NR2C2: variants seen among roughly 807,000 people sequenced by gnomAD.
The protein encoded by NR2C2 is Nuclear hormone receptor TR4.
In NR2C2, 6 loss-of-function variants were observed where a neutral mutation model predicts 62.9. The ratio of observed to expected loss-of-function variants is 0.10; its 90% CI spans 0.05 to 0.19. The LOEUF is 0.19. Ranked by LOEUF, NR2C2 falls within the 10% of genes least tolerant of loss-of-function variation. The pLI is 1.00. For synonymous variants in NR2C2, 272 were observed against 273.8 expected (o/e 0.99, Z 0.07); for missense variants, 479 against 762.7 (o/e 0.63, Z 4.38).
At chr3:14,952,640 C>T (rs1255050030) in intron 1 of NR2C2, among the ~76,000 whole-genome samples, 1 of 152,170 alleles carries the variant, frequency 6.6e-6, no homozygotes, top group African/African-American at 2.4e-5. Context: ...TGATCATCAT[C>T]TTTAACTTAA....
chr3:14,953,843 C>G (rs941701636), intron 1 of NR2C2, among the ~76,000 whole-genome samples: 7 of 146,286 alleles, frequency 4.8e-5, no homozygotes, highest in African/African-American at 1.3e-4. Flanking sequence ...TGCAGTGAAC[C>G]AAGATCACGC....
intron 1 of NR2C2, among the ~76,000 whole-genome samples, chr3:14,987,423 C>A (rs2040542239): frequency 6.6e-6 from 1 of 152,112 alleles, no homozygotes; most frequent in African/African-American, 2.4e-5. Context: ...TGAAGAACAC[C>A]AGTAATTTCA....
chr3:15,030,529 T>A, intron 9 of NR2C2, 77 bp downstream of exon 9: 1 of 1,426,674 alleles, frequency 7.0e-7, no homozygotes, highest in African/African-American at 1.5e-5. Flanking sequence ...TCTGCAGTTT[T>A]AAAAATCAAA....
intron 2 of NR2C2, among the ~76,000 whole-genome samples, chr3:15,008,301 C>T (rs762741272): frequency 4.0e-5 from 6 of 150,880 alleles, no homozygotes; most frequent in East Asian, 3.9e-4. Context: ...GTAGGTGGAT[C>T]GCTTGATCTC....
chr3:14,990,757 G>A (rs543441098), intron 1 of NR2C2, among the ~76,000 whole-genome samples: 32 of 152,306 alleles, frequency 2.1e-4, no homozygotes, highest in South Asian at 1.7e-3. Context: ...TGTTTCTGGG[G>A]GAGAAGCCTT....
At chr3:14,998,165 A>G (rs2040885433) in intron 1 of NR2C2, among the ~76,000 whole-genome samples, 1 of 152,176 alleles carries the variant, frequency 6.6e-6, no homozygotes, top group African/African-American at 2.4e-5. Flanking sequence ...TTATCCATTC[A>G]TCATTTGGGA....
intron 1 of NR2C2, among the ~76,000 whole-genome samples, chr3:14,977,948 CAAA>C (rs11388882): frequency 1.2e-4 from 13 of 104,208 alleles, no homozygotes; most frequent in Admixed American, 3.3e-4. Flanking sequence ...GACTCTGCCT[CAAA>C]AAAAAAAAAA....
chr3:15,020,866 C>T lies in NR2C2; in HGVS notation c.490C>T (p.His164Tyr). The change falls in exon 5 of 14, where the codon CAT becomes TAT. Residue 164 changes from histidine (H) to tyrosine (Y), a missense_variant. Around this residue, in one of 4 missense-constraint regions of NR2C2, gnomAD observed 51 missense variants for 137.5 expected, o/e 0.37. Coordinates refer to ENST00000425241, the MANE Select transcript of NR2C2 (RefSeq NM_001291694.2). ...RSNQDCIINK[H>Y]HRNRCQFCRL... Reference sequence around the variant, plus strand: ...CAACCAAGACTGCATCATCAATAAACATCACCGGAACCGCTGTCAGTTTTG... The same window carrying T: ...CAACCAAGACTGCATCATCAATAAATATCACCGGAACCGCTGTCAGTTTTG... 2 of 1,614,190 alleles carry T rather than the reference C, an allele frequency of 1.2e-6. No homozygotes were observed. Among genetic ancestry groups the T allele is most frequent in the Non-Finnish European group, 1.7e-6 (2 of 1,180,038 alleles).
At chr3:14,989,924 CAAAAAAAAAAAAAAAAA>C (rs34980642) in intron 1 of NR2C2, among the ~76,000 whole-genome samples, 4 of 51,012 alleles carry the variant, frequency 7.8e-5, no homozygotes, top group Non-Finnish European at 1.1e-4. Context: ...GACTCCATCT[CAAAAAAAAAAAAAAAAA>C]AAAAAAAAAA....
chr3:15,042,898 C>CT lies in NR2C2; in HGVS notation c.1689dup (p.Thr564TyrfsTer25), dbSNP rs774343392. 1.2e-6 allele frequency: 2 copies of CT among 1,613,744 alleles called. No individual in the cohort carries two copies. Among genetic ancestry groups the CT allele is most frequent in the Non-Finnish European group, 1.7e-6 (2 of 1,179,800 alleles). ...GATGAGCTCCAACATAACAGAAGAACTTTTTTTTACTGGTCTCATTGGCAA... is the reference window on the plus strand; with the variant it reads ...GATGAGCTCCAACATAACAGAAGAACTTTTTTTTTACTGGTCTCATTGGCAA... On this transcript the variant is annotated frameshift_variant, in exon 14 of 14. Transcript: ENST00000425241. LOFTEE classifies it high-confidence loss of function.
At chr3:14,964,817 C>T (rs922005314) in intron 1 of NR2C2, among the ~76,000 whole-genome samples, 7 of 152,068 alleles carry the variant, frequency 4.6e-5, no homozygotes, top group Non-Finnish European at 8.8e-5. Flanking sequence ...CCACCGTGCC[C>T]GGCCATGAAT....
intron 1 of NR2C2, among the ~76,000 whole-genome samples, chr3:14,999,009 A>G (rs554378161): frequency 6.6e-6 from 1 of 152,114 alleles, no homozygotes; most frequent in East Asian, 1.9e-4. Flanking sequence ...CCGTGTCTCA[A>G]AAAACAAAAA....
chr3:15,039,029 T>G, intron 12 of NR2C2, 93 bp from the exon 13 acceptor site: 2 of 860,262 alleles, frequency 2.3e-6, no homozygotes, highest in South Asian at 2.9e-5. Context: ...ACTTAAGAAG[T>G]TTGCAGAAGT....
intron 10 of NR2C2, among the ~76,000 whole-genome samples, chr3:15,032,961 G>GA (rs1261315069): frequency 6.7e-6 from 1 of 149,906 alleles, no homozygotes; most frequent in Non-Finnish European, 1.5e-5. Context: ...ATCTCTACAG[G>GA]AAACCCCCCC....
At chr3:15,041,497 T>C (rs1321201595) in intron 13 of NR2C2, among the ~76,000 whole-genome samples, 1 of 152,126 alleles carries the variant, frequency 6.6e-6, no homozygotes, top group East Asian at 1.9e-4. Flanking sequence ...ATAAGCAGTA[T>C]TCACTCTAGA....
chr3:15,020,612 C>T lies in NR2C2; in HGVS notation c.377-141C>T, dbSNP rs577368679. 3.7e-6 allele frequency: 3 copies of T among 804,700 alleles called. No individual in the cohort carries two copies. The East Asian group carries it at 7.6e-5, about 20-fold the overall frequency. 49.8% of individuals were successfully genotyped at this position (804,700 alleles called of 1,614,324 possible). On this transcript the variant is annotated intron_variant, in intron 4 of 13. Coordinates refer to ENST00000425241, the MANE Select transcript of NR2C2 (RefSeq NM_001291694.2). ...GGGTGTGGCCAGTATGCTTAATGCT[C>T]AGGCCACGTGGCTGTTGGCATCTAA...
intron 1 of NR2C2, among the ~76,000 whole-genome samples, chr3:14,967,893 T>G (rs1353661931): frequency 1.3e-5 from 2 of 152,148 alleles, no homozygotes; most frequent in Non-Finnish European, 2.9e-5. Flanking sequence ...GGGGAAAGGA[T>G]TCCCTATTTA....
At chr3:15,013,822 C>A in intron 3 of NR2C2, 33 bp downstream of exon 3, 1 of 1,604,624 alleles carries the variant, frequency 6.2e-7, no homozygotes. Context: ...TGTTTCAGCA[C>A]TTCTGCTATT....
intron 1 of NR2C2, among the ~76,000 whole-genome samples, chr3:14,980,370 A>G (rs1048814734): frequency 1.1e-4 from 16 of 152,024 alleles, no homozygotes; most frequent in Non-Finnish European, 2.2e-4. Flanking sequence ...ACTATGTTGT[A>G]CAGGCTGCTC....
Sources: gnomAD v4.1 joint callset for allele counts (sites outside exome capture counted in the v4.1 genomes callset) on GRCh38, gnomAD v4.1.1 for gene constraint, gnomAD v4.1.1 regional missense constraint, MANE v1.5 for transcripts, NCBI Gene and HGNC (gene_info 2026-07-23, HGNC 2026-07-21) for gene names.